CNRIP1: variants seen among roughly 807,000 people sequenced by gnomAD.
CNRIP1 encodes CB1 cannabinoid receptor-interacting protein 1.
In CNRIP1, 10 loss-of-function variants were observed where a neutral mutation model predicts 15.2. The ratio of observed to expected loss-of-function variants is 0.66; its 90% CI spans 0.41 to 1.12. The LOEUF is 1.12. Ranked by LOEUF, CNRIP1 falls within the 50% of genes most tolerant of loss-of-function variation. CNRIP1 has a pLI of 0.00. For missense variants in CNRIP1, 211 were observed against 214.7 expected (o/e 0.98, Z 0.11); for synonymous variants, 91 against 83.2 (o/e 1.09, Z -0.51).
intron 2 of CNRIP1, among the ~76,000 whole-genome samples, chr2:68,305,272 ATATGTGTGTGTGTGTG>A (rs1459931012): frequency 4.3e-5 from 3 of 69,006 alleles, no homozygotes; most frequent in African/African-American, 9.0e-5. Context: ...ATATATATAT[ATATGTGTGTGTGTGTG>A]TGTGTGTGTG....
chr2:68,310,906 AT>A (rs1029831610), intron 2 of CNRIP1, among the ~76,000 whole-genome samples: 6 of 152,192 alleles, frequency 3.9e-5, no homozygotes, highest in African/African-American at 7.2e-5. Context: ...GAGCTAAAAA[AT>A]GTTATAGAAT....
chr2:68,306,855 G>A (rs1279421444), intron 2 of CNRIP1, among the ~76,000 whole-genome samples: 3 of 151,378 alleles, frequency 2.0e-5, no homozygotes, highest in Admixed American at 6.6e-5. Flanking sequence ...TCAGATTCTC[G>A]AATACTGTCA....
downstream of CNRIP1, among the ~76,000 whole-genome samples, chr2:68,289,780 C>G (rs1461797276): frequency 2.6e-5 from 4 of 152,022 alleles, no homozygotes; most frequent in African/African-American, 4.8e-5. Context: ...CGTGCCCAGG[C>G]TCCCTTTCTT....
At chr2:68,302,756 C>G (rs894805889) in intron 2 of CNRIP1, among the ~76,000 whole-genome samples, 5 of 151,760 alleles carry the variant, frequency 3.3e-5, no homozygotes, top group African/African-American at 1.2e-4. Context: ...TTCACCAGTT[C>G]ACTTTGAAGT....
intron 1 of CNRIP1, 109 bp from the exon 2 acceptor site, chr2:68,317,416 G>C (rs72904279): frequency 1.7e-6 from 2 of 1,156,698 alleles, no homozygotes; most frequent in Non-Finnish European, 2.5e-6. Context: ...ACTAAGGGGG[G>C]CATTGTGGTG....
intron 2 of CNRIP1, among the ~76,000 whole-genome samples, chr2:68,308,231 A>T (rs893060822): frequency 6.6e-6 from 1 of 151,516 alleles, no homozygotes; most frequent in Non-Finnish European, 1.5e-5. Context: ...AAAACAAAAA[A>T]AACCCCCGAT....
rs1671240073 is a variant in CNRIP1, at chr2:68,293,646, G to T, written c.*216C>A. ...TGCAGGAACATCAGCACAAAATACA[G>T]ATGGGAATATTCTCGGGAGTGGTAC... On this transcript the variant is annotated 3_prime_UTR_variant, in exon 3 of 3. Coordinates refer to ENST00000263655, the MANE Select transcript of CNRIP1 (RefSeq NM_015463.3). 7.9e-7 allele frequency: 1 copy of T among 1,262,606 alleles called. No homozygotes were observed. Among genetic ancestry groups the T allele is most frequent in the Non-Finnish European group, 1.0e-6 (1 of 994,764 alleles). 78.2% of individuals were successfully genotyped at this position (1,262,606 alleles called of 1,614,324 possible). A position where few individuals can be genotyped will look rare whatever the true frequency, so the allele number is the denominator to read the frequency against.
At chr2:68,317,357 C>A (rs1234307065) in intron 1 of CNRIP1, 50 bp from the exon 2 acceptor site, 2 of 1,597,322 alleles carry the variant, frequency 1.3e-6, no homozygotes, top group Non-Finnish European at 1.7e-6. Flanking sequence ...GCCTAGGCAC[C>A]CTGTCCTGTT....
intron 2 of CNRIP1, among the ~76,000 whole-genome samples, chr2:68,297,567 C>CAAAAAA (rs112601365): frequency 1.5e-4 from 15 of 98,904 alleles, no homozygotes; most frequent in African/African-American, 2.4e-4. Flanking sequence ...GACACTGTCT[C>CAAAAAA]AAAAAAAAAA....
At chr2:68,292,932 G>T, downstream of CNRIP1, 1 of 733,560 alleles carries the variant, frequency 1.4e-6, no homozygotes, top group Non-Finnish European at 1.7e-6. Flanking sequence ...TAGCATACAG[G>T]CCTGAGTGAA....
Position 68,293,663 on chromosome 2 carries a change from G to C in CNRIP1, c.*199C>G, listed in dbSNP as rs1671240838. 3 of 1,309,486 alleles carry C rather than the reference G, an allele frequency of 2.3e-6. No homozygotes were observed. In the African/African-American group the frequency reaches 4.4e-5, roughly 19 times the overall value. 81.1% of individuals were successfully genotyped at this position (1,309,486 alleles called of 1,614,324 possible). ...AAAATACAGATGGGAATATTCTCGG[G>C]AGTGGTACATCACCATCTTGTATGT... On this transcript the variant is annotated 3_prime_UTR_variant, in exon 3 of 3. Coordinates refer to ENST00000263655, the MANE Select transcript of CNRIP1 (RefSeq NM_015463.3).
downstream of CNRIP1, among the ~76,000 whole-genome samples, chr2:68,291,290 T>TC (rs1156334211): frequency 2.7e-5 from 4 of 149,836 alleles, no homozygotes; most frequent in East Asian, 2.0e-4. Flanking sequence ...ACACACACTT[T>TC]CCCCTTTTTT....
chr2:68,306,337 A>C (rs62143880), intron 2 of CNRIP1, among the ~76,000 whole-genome samples: 2 of 148,062 alleles, frequency 1.4e-5, no homozygotes, highest in Admixed American at 6.7e-5. Context: ...AAAAAAAAAA[A>C]GGAAAAAAAA....
chr2:68,285,728 A>C (rs1442242290), intron 2 of CNRIP1, among the ~76,000 whole-genome samples: 1 of 151,984 alleles, frequency 6.6e-6, no homozygotes, highest in African/African-American at 2.4e-5. Context: ...GCAGATGTCC[A>C]CCAGAGGTAT....
chr2:68,298,389 T>A (rs1005925411), intron 2 of CNRIP1, among the ~76,000 whole-genome samples: 11 of 152,244 alleles, frequency 7.2e-5, no homozygotes, highest in Admixed American at 7.2e-4. Flanking sequence ...CAGCTTAAAA[T>A]CATGCTAGGT....
chr2:68,318,305 A>G (rs1351295217), intron 1 of CNRIP1, among the ~76,000 whole-genome samples: 2 of 152,164 alleles, frequency 1.3e-5, no homozygotes, highest in Non-Finnish European at 2.9e-5. Flanking sequence ...CACCCCCGCA[A>G]TAATGCCCAC....
At chr2:68,306,969 G>A (rs1671877897) in intron 2 of CNRIP1, among the ~76,000 whole-genome samples, 1 of 152,160 alleles carries the variant, frequency 6.6e-6, no homozygotes, top group African/African-American at 2.4e-5. Flanking sequence ...CAGCATCTTA[G>A]ATGATTTGCA....
chr2:68,292,697 A>G (rs1306469354), downstream of CNRIP1, among the ~76,000 whole-genome samples: 3 of 152,184 alleles, frequency 2.0e-5, no homozygotes, highest in Non-Finnish European at 4.4e-5. Context: ...CTATTATAGC[A>G]CCATTGCTCT....
chr2:68,319,492 G>T lies in CNRIP1; in HGVS notation c.-92C>A, dbSNP rs1309194998. On this transcript the variant is annotated 5_prime_UTR_variant, in exon 1 of 3. Coordinates refer to ENST00000263655, the MANE Select transcript of CNRIP1 (RefSeq NM_015463.3). Reference sequence around the variant, plus strand: ...CTGGAGCGCGAGGGGCGGAGAGGAAGCGCGGGGAGGGTGAGGGAGGTGGTG... The same window carrying T: ...CTGGAGCGCGAGGGGCGGAGAGGAATCGCGGGGAGGGTGAGGGAGGTGGTG... The T allele has an allele frequency of 7.6e-7, 1 of 1,317,150 alleles. No individual in the cohort carries two copies. The highest frequency in any genetic ancestry group is 1.0e-6 in the Non-Finnish European group (1 of 998,222). 81.6% of individuals were successfully genotyped at this position (1,317,150 alleles called of 1,614,324 possible).
Sources: allele counts gnomAD v4.1 joint callset (sites outside exome capture counted in the v4.1 genomes callset), GRCh38; gene constraint gnomAD v4.1.1; transcripts MANE v1.5; gene names NCBI Gene and HGNC (gene_info 2026-07-23, HGNC 2026-07-21).